The following RARB variants were observed in gnomAD, a reference collection of about 807,000 sequenced individuals.
The protein encoded by RARB is HBV-activated protein.
Under a neutral mutation model 51.9 loss-of-function variants are expected in RARB, and 17 were observed. The ratio of observed to expected loss-of-function variants is 0.33; its 90% CI spans 0.22 to 0.49. The LOEUF is 0.49. RARB is among the 20% of genes least tolerant of loss of function. The pLI is 0.99. For synonymous variants in RARB, 215 were observed against 195.4 expected, an observed-to-expected ratio of 1.10 and a Z score of -0.84; for missense variants, 369 against 550.8, an observed-to-expected ratio of 0.67 and a Z score of 3.30.
At chr3:25,513,202 G>A (rs1014694233) in intron 3 of RARB, among the ~76,000 whole-genome samples, 5 of 151,622 alleles carry the variant, frequency 3.3e-5, no homozygotes, top group East Asian at 2.0e-4. Context: ...CAGGAGAATC[G>A]CTTGGACCTG....
At chr3:25,031,463 C>T (rs758717627) in intron 2 of RARB, among the ~76,000 whole-genome samples, 2 of 152,166 alleles carry the variant, frequency 1.3e-5, no homozygotes. Flanking sequence ...AGGCCTCCCC[C>T]TTAGAATGTG....
intron 5 of RARB, among the ~76,000 whole-genome samples, chr3:25,277,342 T>C (rs1291972806): frequency 6.6e-6 from 1 of 152,142 alleles, no homozygotes; most frequent in Non-Finnish European, 1.5e-5. Flanking sequence ...GTCATCCTAA[T>C]CCACTCCAGG....
intron 2 of RARB, among the ~76,000 whole-genome samples, chr3:25,052,634 G>A (rs1325890160): frequency 2.6e-5 from 4 of 152,098 alleles, no homozygotes; most frequent in African/African-American, 9.7e-5. Context: ...TGGAAAAGTT[G>A]GTTAGATTAT....
intron 2 of RARB, among the ~76,000 whole-genome samples, chr3:25,025,540 A>G (rs1559438477): frequency 6.6e-6 from 1 of 152,186 alleles, no homozygotes; most frequent in East Asian, 1.9e-4. Flanking sequence ...AAGTTAAAGT[A>G]GAAACTATAA....
At chr3:25,329,803 T>A (rs952839721) in intron 5 of RARB, among the ~76,000 whole-genome samples, 3 of 151,750 alleles carry the variant, frequency 2.0e-5, no homozygotes, top group African/African-American at 7.3e-5. Context: ...GAATAACCAG[T>A]GTAGAGAAGT....
chr3:25,087,480 T>C (rs1414749575), intron 3 of RARB, among the ~76,000 whole-genome samples: 4 of 152,128 alleles, frequency 2.6e-5, no homozygotes, highest in African/African-American at 9.7e-5. Context: ...GTATAGCCTT[T>C]TAGCCATGTA....
At chr3:25,276,302 T>G (rs1284188629) in intron 5 of RARB, among the ~76,000 whole-genome samples, 1 of 152,244 alleles carries the variant, frequency 6.6e-6, no homozygotes, top group Non-Finnish European at 1.5e-5. Flanking sequence ...TGTGTTTTCT[T>G]TTGAGAAATG....
At chr3:25,352,678 A>G (rs892857284) in intron 5 of RARB, among the ~76,000 whole-genome samples, 2 of 152,226 alleles carry the variant, frequency 1.3e-5, no homozygotes, top group African/African-American at 4.8e-5. Context: ...TCATGTCAGC[A>G]GGACAAAATT....
intron 2 of RARB, among the ~76,000 whole-genome samples, chr3:24,887,776 G>A (rs896913441): frequency 2.6e-5 from 4 of 152,260 alleles, no homozygotes; most frequent in Non-Finnish European, 5.9e-5. Flanking sequence ...TTGTCACTTG[G>A]GAGGAAGGCA....
rs535646723 is a variant in RARB at position 25,124,133 on chromosome 3, G to C, written c.-327-8028G>C. ...CTCACGCCTGTAATCCTAGCACTTT[G>C]GGAGGCCAAGGTGGGTGGATCACGA... On this transcript the variant is annotated intron_variant, in intron 3 of 11. Transcript: ENST00000383772. 4.6e-5 allele frequency among the ~76,000 whole-genome samples: 7 copies of C among 152,300 alleles called. No homozygotes were observed. In the South Asian group the frequency reaches 1.5e-3, roughly 32 times the overall value.
chr3:25,312,481 G>A (rs1004950076), intron 5 of RARB, among the ~76,000 whole-genome samples: 1 of 152,110 alleles, frequency 6.6e-6, no homozygotes, highest in African/African-American at 2.4e-5. Flanking sequence ...CTCTGGTCAA[G>A]TATAGAGGAA....
At chr3:25,466,551 C>CAT (rs1264216911) in intron 2 of RARB, among the ~76,000 whole-genome samples, 1 of 152,210 alleles carries the variant, frequency 6.6e-6, no homozygotes, top group African/African-American at 2.4e-5. Context: ...AGTGATGTAA[C>CAT]ATCAATTATA....
intron 5 of RARB, among the ~76,000 whole-genome samples, chr3:25,356,246 T>C (rs1705730518): frequency 6.6e-6 from 1 of 152,102 alleles, no homozygotes; most frequent in African/African-American, 2.4e-5. Flanking sequence ...ATAAGAAACT[T>C]GAGATCCACC....
chr3:24,904,849 C>G (rs1250261958), intron 2 of RARB, among the ~76,000 whole-genome samples: 3 of 152,182 alleles, frequency 2.0e-5, no homozygotes, highest in African/African-American at 7.2e-5. Context: ...ATGATGAGTT[C>G]ATGTCCTTTG....
intron 2 of RARB, among the ~76,000 whole-genome samples, chr3:25,465,366 CCCAA>C: frequency 6.6e-6 from 1 of 152,214 alleles, no homozygotes; most frequent in Non-Finnish European, 1.5e-5. Context: ...TAGAAACTGG[CCCAA>C]CCATTGGCTG....
intron 5 of RARB, among the ~76,000 whole-genome samples, chr3:25,228,289 G>A (rs1702103141): frequency 9.0e-6 from 1 of 110,756 alleles, no homozygotes; most frequent in Admixed American, 1.1e-4. Context: ...CTCTTTGTTT[G>A]CCATATCTTG....
At chr3:25,172,851 C>A (rs1468657703) in intron 4 of RARB, among the ~76,000 whole-genome samples, 2 of 152,026 alleles carry the variant, frequency 1.3e-5, no homozygotes, top group East Asian at 1.9e-4. Flanking sequence ...TCATTTAATC[C>A]TCACAATACC....
chr3:24,951,448 T>C (rs1695889051), intron 2 of RARB, among the ~76,000 whole-genome samples: 1 of 152,190 alleles, frequency 6.6e-6, no homozygotes, highest in African/African-American at 2.4e-5. Flanking sequence ...AAGAGTGTTG[T>C]AATCCTGAGA....
intron 4 of RARB, among the ~76,000 whole-genome samples, chr3:25,155,197 A>G (rs1342594963): frequency 2.0e-5 from 3 of 151,336 alleles, no homozygotes; most frequent in African/African-American, 7.3e-5. Context: ...ATTTTTTAGC[A>G]TTTTTCTTCC....
Sources: allele counts gnomAD v4.1 joint callset (sites outside exome capture counted in the v4.1 genomes callset), GRCh38; gene constraint gnomAD v4.1.1; transcripts MANE v1.5; gene names NCBI Gene and HGNC (gene_info 2026-07-23, HGNC 2026-07-21).